The following ELAPOR2 variants were observed in gnomAD, a reference collection of about 807,000 sequenced individuals.
ELAPOR2 encodes the protein endosome/lysosome-associated apoptosis and autophagy regulator family member 2.
In ELAPOR2, 89 loss-of-function variants were observed where a neutral mutation model predicts 120.7. The ratio of observed to expected loss-of-function variants is 0.74; its 90% CI spans 0.62 to 0.88. The LOEUF (loss-of-function observed/expected upper bound fraction) is 0.88. ELAPOR2 is among the 40% of genes least tolerant of loss of function. ELAPOR2 has a pLI of 0.00. For synonymous variants in ELAPOR2, 444 were observed against 444.9 expected (o/e 1.00, Z 0.03); for missense variants, 1,134 against 1,251.6 (o/e 0.91, Z 1.42).
intron 1 of ELAPOR2, among the ~76,000 whole-genome samples, chr7:87,027,365 T>C (rs989055756): frequency 2.0e-5 from 3 of 152,122 alleles, no homozygotes; most frequent in Non-Finnish European, 2.9e-5. Flanking sequence ...ACGACTGGAT[T>C]GAGTAACTGG....
intron 8 of ELAPOR2, among the ~76,000 whole-genome samples, chr7:86,928,406 T>A (rs867739779): frequency 1.1e-4 from 16 of 152,108 alleles, no homozygotes; most frequent in African/African-American, 3.6e-4. Flanking sequence ...CCTACTTAAT[T>A]CCCTAATTTG....
intron 1 of ELAPOR2, among the ~76,000 whole-genome samples, chr7:87,055,002 A>T (rs1459448750): frequency 2.6e-5 from 4 of 152,148 alleles, no homozygotes; most frequent in Non-Finnish European, 1.5e-5. Flanking sequence ...GTCCCCTTTC[A>T]TGTAGGTAAA....
At chr7:87,058,827 C>G (rs1238188344) in intron 1 of ELAPOR2, among the ~76,000 whole-genome samples, 2 of 152,078 alleles carry the variant, frequency 1.3e-5, no homozygotes, top group African/African-American at 4.8e-5. Flanking sequence ...TTAGCAAACC[C>G]ACAGGGCCTT....
At chr7:86,915,896 C>T (rs1789549655) in intron 12 of ELAPOR2, among the ~76,000 whole-genome samples, 1 of 151,848 alleles carries the variant, frequency 6.6e-6, no homozygotes, top group African/African-American at 2.4e-5. Flanking sequence ...AATCATCATT[C>T]CCAAAAAGCA....
intron 1 of ELAPOR2, among the ~76,000 whole-genome samples, chr7:86,972,459 T>C (rs940188112): frequency 6.6e-6 from 1 of 152,130 alleles, no homozygotes; most frequent in African/African-American, 2.4e-5. Context: ...AATTCCTTTT[T>C]AGAGAACTTT....
chr7:86,974,806 T>G (rs1341525226), intron 1 of ELAPOR2, among the ~76,000 whole-genome samples: 1 of 152,170 alleles, frequency 6.6e-6, no homozygotes, highest in East Asian at 1.9e-4. Context: ...ATATTTCTCC[T>G]TACTTTAGGA....
At chr7:86,991,755 G>C (rs1792952041) in intron 1 of ELAPOR2, among the ~76,000 whole-genome samples, 1 of 152,112 alleles carries the variant, frequency 6.6e-6, no homozygotes, top group Admixed American at 6.5e-5. Context: ...CATCCTCCAG[G>C]TCACCTCAGC....
At chr7:87,015,858 A>G (rs1361759281) in intron 1 of ELAPOR2, among the ~76,000 whole-genome samples, 1 of 152,196 alleles carries the variant, frequency 6.6e-6, no homozygotes, top group Non-Finnish European at 1.5e-5. Flanking sequence ...CCTGTATTTC[A>G]TATTTCAGAT....
intron 1 of ELAPOR2, among the ~76,000 whole-genome samples, chr7:86,983,184 A>G (rs770129809): frequency 2.0e-5 from 3 of 152,226 alleles, no homozygotes; most frequent in Non-Finnish European, 2.9e-5. Flanking sequence ...ATATGGGACT[A>G]TGTGAAAAGA....
At chr7:86,917,461 G>A (rs2116146071) in intron 12 of ELAPOR2, among the ~76,000 whole-genome samples, 1 of 152,204 alleles carries the variant, frequency 6.6e-6, no homozygotes, top group East Asian at 1.9e-4. Flanking sequence ...AGATGAAAGA[G>A]TAGAGATGAG....
At chr7:86,919,183 G>T in intron 11 of ELAPOR2, 37 bp downstream of exon 11, 1 of 1,414,060 alleles carries the variant, frequency 7.1e-7, no homozygotes, top group Non-Finnish European at 1.0e-6. Context: ...CAGGTGTAAG[G>T]ATTCTTACAG....
chr7:87,035,796 T>C (rs922077273), intron 1 of ELAPOR2, among the ~76,000 whole-genome samples: 1 of 152,242 alleles, frequency 6.6e-6, no homozygotes, highest in Non-Finnish European at 1.5e-5. Context: ...TGCTTGAACA[T>C]CTGATTTTCA....
At chr7:86,891,364 A>G (rs1004912818) in intron 21 of ELAPOR2, 1 of 161,640 alleles carries the variant, frequency 6.2e-6, no homozygotes, top group African/African-American at 2.4e-5. Flanking sequence ...TACAAACATA[A>G]ATGTATATTT....
chr7:87,001,799 G>C (rs1040163247), intron 1 of ELAPOR2, among the ~76,000 whole-genome samples: 1 of 152,086 alleles, frequency 6.6e-6, no homozygotes, highest in African/African-American at 2.4e-5. Context: ...GAAATGTATA[G>C]CCAAGAAACC....
intron 19 of ELAPOR2, among the ~76,000 whole-genome samples, chr7:86,896,526 T>C (rs1788446507): frequency 6.6e-6 from 1 of 152,084 alleles, no homozygotes; most frequent in South Asian, 2.1e-4. Context: ...CTTCAAGACC[T>C]TCCTGGGCAG....
chr7:87,029,527 A>T (rs900863465), intron 1 of ELAPOR2, among the ~76,000 whole-genome samples: 2 of 152,242 alleles, frequency 1.3e-5, no homozygotes, highest in East Asian at 3.8e-4. Flanking sequence ...TTAAGGAGCC[A>T]TAAATATTAT....
rs1398469255 is a variant in ELAPOR2, at chr7:87,058,283, C to T, written c.189+1042G>A. Among the ~76,000 whole-genome samples the T allele has an allele frequency of 5.3e-5, 8 of 152,278 alleles. No individual in the cohort carries two copies. The South Asian group carries it at 1.7e-3, about 32-fold the overall frequency. ...AACATACACAAACAAGAGGGTCTGG[C>T]CTTTCTTCCCAGAGGGGCTATTGGC... On this transcript the variant is annotated intron_variant, in intron 1 of 21. Transcript: ENST00000450689.
At chr7:86,998,549 G>A (rs1793201756) in intron 1 of ELAPOR2, among the ~76,000 whole-genome samples, 1 of 152,118 alleles carries the variant, frequency 6.6e-6, no homozygotes, top group African/African-American at 2.4e-5. Flanking sequence ...GTTTGTTGTA[G>A]GAGGGTTGCT....
intron 1 of ELAPOR2, among the ~76,000 whole-genome samples, chr7:86,970,486 A>C (rs1483230406): frequency 6.6e-6 from 1 of 152,168 alleles, no homozygotes; most frequent in African/African-American, 2.4e-5. Context: ...TCAGCAAAGA[A>C]CTTGGCACAC....
Sources: gnomAD v4.1 joint callset for allele counts (sites outside exome capture counted in the v4.1 genomes callset) on GRCh38, gnomAD v4.1.1 for gene constraint, MANE v1.5 for transcripts, NCBI Gene and HGNC (gene_info 2026-07-23, HGNC 2026-07-21) for gene names.